Variants in RASGEF1B observed in about 807,000 individuals in gnomAD.
RASGEF1B encodes ras-GEF domain-containing family member 1B.
Under a neutral mutation model 65.7 loss-of-function variants are expected in RASGEF1B, and 30 were observed. The observed-to-expected ratio is 0.46, with a 90% confidence interval of 0.34 to 0.62. RASGEF1B has a LOEUF of 0.62. Ranked by LOEUF, RASGEF1B falls within the 20% of genes least tolerant of loss-of-function variation. The pLI is 0.01. For missense variants in RASGEF1B, 495 were observed against 580.1 expected, an observed-to-expected ratio of 0.85 and a Z score of 1.51; for synonymous variants, 175 against 194.8, an observed-to-expected ratio of 0.90 and a Z score of 0.85.
intron 8 of RASGEF1B, among the ~76,000 whole-genome samples, chr4:81,443,583 T>A (rs1721922000): frequency 6.6e-6 from 1 of 152,252 alleles, no homozygotes. Context: ...ATTCTAAAAT[T>A]AATCCATGTT....
intron 1 of RASGEF1B, among the ~76,000 whole-genome samples, chr4:81,466,956 G>A (rs3973151): frequency 0.22 from 26,503 of 119,972 alleles, 2,827 homozygotes; most frequent in African/African-American, 0.25. Flanking sequence ...AAAAAAAAAA[G>A]AAAAAAAAGG....
chr4:81,430,423 A>T (rs781012063), intron 13 of RASGEF1B, among the ~76,000 whole-genome samples: 6 of 152,226 alleles, frequency 3.9e-5, no homozygotes, highest in Non-Finnish European at 7.3e-5. Context: ...GCCATAAGGT[A>T]GAGGGTCTAA....
intron 13 of RASGEF1B, among the ~76,000 whole-genome samples, chr4:81,429,091 C>T (rs1318541637): frequency 2.0e-5 from 3 of 152,176 alleles, no homozygotes; most frequent in Non-Finnish European, 4.4e-5. Flanking sequence ...CTGTGCTTGC[C>T]CTCAAGGGGC....
chr4:81,427,934 C>A, intron 13 of RASGEF1B, 142 bp from the exon 14 acceptor site: 1 of 856,204 alleles, frequency 1.2e-6, no homozygotes. Flanking sequence ...AAAAAAAAAT[C>A]AAGCTTTTAA....
chr4:81,451,363 C>G (rs1403271877), intron 4 of RASGEF1B: 2 of 152,074 alleles, frequency 1.3e-5, no homozygotes, highest in East Asian at 1.9e-4. Context: ...TGTATAGCAG[C>G]TGAAAGAAGA....
At chr4:81,450,333 C>A (rs559363978) in intron 4 of RASGEF1B, among the ~76,000 whole-genome samples, 1 of 152,134 alleles carries the variant, frequency 6.6e-6, no homozygotes, top group Admixed American at 6.5e-5. Context: ...CATAGTGAGA[C>A]CCTGTCTCTA....
At position 81,442,342 on chromosome 4, in the gene RASGEF1B, T is replaced by C. The variant is rs200210278; in HGVS notation, c.963A>G (p.Lys321=). 1.9e-6 allele frequency: 3 copies of C among 1,613,578 alleles called. No individual in the cohort carries two copies. The highest frequency in any genetic ancestry group is 2.7e-5 in the African/African-American group (2 of 75,052). ...CAGTCTTCACTTTGGCCCAAGTTTT[T>C]TTTAGTCGAGAGACTGGGCTCATAT... ...GMNMSPVSRL[K]KTWAKVKTAK... The change falls in exon 9 of 14, where the codon AAA becomes AAG. Residue 321 remains lysine, a synonymous_variant. Coordinates refer to ENST00000264400, the MANE Select transcript of RASGEF1B (RefSeq NM_152545.3).
chr4:81,461,562 A>G (rs1328541242), intron 1 of RASGEF1B, among the ~76,000 whole-genome samples: 1 of 152,234 alleles, frequency 6.6e-6, no homozygotes, highest in Non-Finnish European at 1.5e-5. Flanking sequence ...TCAGAAAATG[A>G]TAAATATTCA....
intron 11 of RASGEF1B, 73 bp from the exon 12 acceptor site, chr4:81,434,036 C>T (rs1329351746): frequency 1.6e-6 from 2 of 1,271,586 alleles, no homozygotes; most frequent in Non-Finnish European, 2.3e-6. Context: ...GAGGCAATAC[C>T]ATTTGAAATG....
At chr4:81,454,266 A>G (rs1185432027) in intron 4 of RASGEF1B, 1 of 152,206 alleles carries the variant, frequency 6.6e-6, no homozygotes, top group Admixed American at 6.5e-5. Context: ...GACTGCCGCA[A>G]CAACAAGGAC....
intron 1 of RASGEF1B, 107 bp from the exon 2 acceptor site, chr4:81,459,621 A>C: frequency 1.2e-6 from 1 of 852,246 alleles, no homozygotes; most frequent in Non-Finnish European, 1.7e-6. Flanking sequence ...GAGAATAGGC[A>C]ATTAAAATAG....
At chr4:81,471,530 G>A (rs545255473) in intron 1 of RASGEF1B, among the ~76,000 whole-genome samples, 2 of 152,286 alleles carry the variant, frequency 1.3e-5, no homozygotes, top group East Asian at 3.9e-4. Flanking sequence ...CCGGGCAGGG[G>A]CCCTCCCCCG....
chr4:81,469,493 G>A (rs942439026), intron 1 of RASGEF1B, among the ~76,000 whole-genome samples: 3 of 152,046 alleles, frequency 2.0e-5, no homozygotes, highest in Admixed American at 1.3e-4. Context: ...TTAGAAAGGT[G>A]TATTGAATTG....
intron 1 of RASGEF1B, among the ~76,000 whole-genome samples, chr4:81,469,472 T>C (rs1469828537): frequency 1.3e-5 from 2 of 152,188 alleles, no homozygotes; most frequent in Non-Finnish European, 2.9e-5. Flanking sequence ...TTTCTTACCA[T>C]GTCTTTTTCC....
chr4:81,450,151 T>C (rs140383381), intron 4 of RASGEF1B, among the ~76,000 whole-genome samples: 54 of 152,332 alleles, frequency 3.5e-4, no homozygotes, highest in Middle Eastern at 3.4e-3. Flanking sequence ...TGTTCAAGGA[T>C]GAGTTGAGGG....
At chr4:81,449,066 C>G (rs1282451713) in intron 4 of RASGEF1B, among the ~76,000 whole-genome samples, 1 of 152,166 alleles carries the variant, frequency 6.6e-6, no homozygotes, top group Non-Finnish European at 1.5e-5. Flanking sequence ...CCTGCCTCAG[C>G]CTCCCAAAGT....
At chr4:81,450,774 G>A (rs1464780753) in intron 4 of RASGEF1B, 4 of 152,134 alleles carry the variant, frequency 2.6e-5, no homozygotes, top group Non-Finnish European at 5.9e-5. Context: ...GAGGTGGGAG[G>A]ATTGCTTGAG....
intron 1 of RASGEF1B, among the ~76,000 whole-genome samples, chr4:81,464,218 T>A (rs1722734901): frequency 6.6e-6 from 1 of 152,174 alleles, no homozygotes; most frequent in Non-Finnish European, 1.5e-5. Flanking sequence ...CATCTGTCGT[T>A]AGTAAAAATT....
At chr4:81,437,386 T>C (rs1721667269) in intron 10 of RASGEF1B, among the ~76,000 whole-genome samples, 1 of 152,176 alleles carries the variant, frequency 6.6e-6, no homozygotes, top group Admixed American at 6.5e-5. Context: ...GAATATGCAC[T>C]TAGAGGATAA....
Sources: gnomAD v4.1 joint callset for allele counts (sites outside exome capture counted in the v4.1 genomes callset) on GRCh38, gnomAD v4.1.1 for gene constraint, MANE v1.5 for transcripts, NCBI Gene and HGNC (gene_info 2026-07-23, HGNC 2026-07-21) for gene names.